BDP1: variants seen among roughly 807,000 people sequenced by gnomAD.
BDP1 encodes BDP1 general transcription factor IIIB subunit, also known as transcription factor TFIIIB component B'' homolog.
In BDP1, 169 loss-of-function variants were observed where a neutral mutation model predicts 266.6. The observed-to-expected ratio is 0.63, with a 90% CI of 0.56 to 0.72. BDP1 has a LOEUF of 0.72. BDP1 is among the 30% of genes least tolerant of loss of function. The pLI, the probability that BDP1 is intolerant of heterozygous loss-of-function variation, is 0.00. For synonymous variants in BDP1, 1,090 were observed against 1,022.4 expected (o/e 1.07, Z -1.26); for missense variants, 3,015 against 3,053.8 (o/e 0.99, Z 0.30).
At chr5:71,570,796 C>CT (rs1744240552), downstream of BDP1, among the ~76,000 whole-genome samples, 1 of 152,166 alleles carries the variant, frequency 6.6e-6, no homozygotes, top group South Asian at 2.1e-4. Flanking sequence ...TGCATCAGCT[C>CT]TTTAAAGAGG....
intron 25 of BDP1, among the ~76,000 whole-genome samples, chr5:71,525,400 C>CA (rs1233092904): frequency 7.2e-6 from 1 of 137,932 alleles, no homozygotes; most frequent in Non-Finnish European, 1.6e-5. Flanking sequence ...GGCTGACCCC[C>CA]CCACCTCCCT....
intron 32 of BDP1, among the ~76,000 whole-genome samples, chr5:71,548,005 C>T (rs952761360): frequency 1.1e-4 from 17 of 151,912 alleles, no homozygotes; most frequent in African/African-American, 3.1e-4. Flanking sequence ...AGTAGAAGCC[C>T]GGCATAGTGT....
chr5:71,540,552 T>A (rs956243276), intron 28 of BDP1, among the ~76,000 whole-genome samples: 3 of 152,186 alleles, frequency 2.0e-5, no homozygotes, highest in Non-Finnish European at 4.4e-5. Flanking sequence ...GGTCTCGAAC[T>A]GCTGACCTCA....
chr5:71,523,918 TTGTTTTGATTAAATA>T lies in BDP1; in HGVS notation c.5388-19_5388-5del. The stretch of plus-strand genomic sequence containing the variant: ...TCCTTGCATGCATATGACCTTATTG[TTGTTTTGATTAAATA>T]TCTAGCTGTCCACAACCGTTAAACG... On this transcript the variant is annotated splice_polypyrimidine_tract_variant and splice_region_variant and intron_variant, in intron 24 of 38. Coordinates refer to ENST00000358731, the MANE Select transcript of BDP1 (RefSeq NM_018429.3). The T allele has an allele frequency of 1.3e-6, 2 of 1,587,230 alleles. No homozygotes were observed. The highest frequency in any genetic ancestry group is 1.8e-5 in the Admixed American group (1 of 55,286).
chr5:71,564,248 A>G (rs1743883720), intron 38 of BDP1, among the ~76,000 whole-genome samples: 1 of 152,096 alleles, frequency 6.6e-6, no homozygotes, highest in African/African-American at 2.4e-5. Context: ...TAATTTGTTT[A>G]TAGATTTGTA....
intron 22 of BDP1, among the ~76,000 whole-genome samples, chr5:71,518,970 C>G (rs945260784): frequency 6.7e-6 from 1 of 150,296 alleles, no homozygotes; most frequent in South Asian, 2.1e-4. Context: ...CAGGCACCCA[C>G]CACCACACCC....
intron 7 of BDP1, among the ~76,000 whole-genome samples, chr5:71,477,580 A>AT (rs1248753042): frequency 1.3e-5 from 2 of 151,522 alleles, no homozygotes; most frequent in African/African-American, 4.8e-5. Flanking sequence ...AATATTAAAA[A>AT]TTTTTTTTAA....
intron 8 of BDP1, among the ~76,000 whole-genome samples, chr5:71,484,219 CTATTAGTTATATAGAT>C (rs1459340341): frequency 1.3e-5 from 2 of 152,098 alleles, no homozygotes; most frequent in East Asian, 3.9e-4. Context: ...GAAGACAGTA[CTATTAGTTATATAGAT>C]GGTTCTTTCT....
chr5:71,521,354 G>A (rs936854025), intron 22 of BDP1, among the ~76,000 whole-genome samples: 1 of 143,468 alleles, frequency 7.0e-6, no homozygotes, highest in African/African-American at 2.6e-5. Flanking sequence ...GTGCAGTGGT[G>A]CAACTTCGCC....
intron 26 of BDP1, among the ~76,000 whole-genome samples, chr5:71,538,777 C>T (rs937146852): frequency 1.3e-5 from 2 of 151,952 alleles, no homozygotes; most frequent in Non-Finnish European, 2.9e-5. Flanking sequence ...GAATGGTAGA[C>T]GTACATAACA....
chr5:71,502,393 C>T (rs184577743), intron 14 of BDP1, among the ~76,000 whole-genome samples: 8 of 151,870 alleles, frequency 5.3e-5, no homozygotes, highest in Admixed American at 3.3e-4. Context: ...AGGCTGGTCT[C>T]GAACTTCTGA....
In BDP1 at chr5:71,560,113, AAGAATGTGCCTCAGTT is replaced by A. The variant is rs1402086473; in HGVS notation, c.7374_7389del (p.Lys2458AsnfsTer6). 1 of 1,614,040 alleles carries A rather than the reference AAGAATGTGCCTCAGTT, an allele frequency of 6.2e-7. No homozygotes were observed. The highest frequency in any genetic ancestry group is 8.5e-7 in the Non-Finnish European group (1 of 1,180,018). On this transcript the variant is annotated frameshift_variant, in exon 37 of 39. Coordinates refer to ENST00000358731, the MANE Select transcript of BDP1 (RefSeq NM_018429.3). LOFTEE classifies it high-confidence loss of function. Reference sequence around the variant, plus strand: ...TAGATCTCCTGATGCATGCATGGACAAGAATGTGCCTCAGTTACCTCAGGATGAAATGATTGTGTCT... The same window carrying A: ...TAGATCTCCTGATGCATGCATGGACAACCTCAGGATGAAATGATTGTGTCT...
chr5:71,518,937 A>T (rs1353613029), intron 22 of BDP1, among the ~76,000 whole-genome samples: 1 of 145,318 alleles, frequency 6.9e-6, no homozygotes, highest in Non-Finnish European at 1.5e-5. Context: ...CTTGTGCTTC[A>T]GCCTCCCGAG....
chr5:71,543,940 T>A (rs1767120383), intron 30 of BDP1, among the ~76,000 whole-genome samples: 2 of 152,306 alleles, frequency 1.3e-5, no homozygotes, highest in Admixed American at 1.3e-4. Flanking sequence ...TCAAATTACC[T>A]CTTCTATATA....
intron 8 of BDP1, 81 bp downstream of exon 8, chr5:71,483,977 GT>G: frequency 8.4e-7 from 1 of 1,187,810 alleles, no homozygotes; most frequent in Non-Finnish European, 1.2e-6. Flanking sequence ...GCTTTAGTGT[GT>G]TTTAGATTTG....
At chr5:71,526,973 A>G (rs1274201325) in intron 25 of BDP1, among the ~76,000 whole-genome samples, 2 of 152,002 alleles carry the variant, frequency 1.3e-5, no homozygotes, top group Non-Finnish European at 2.9e-5. Flanking sequence ...GGCGTGAGCC[A>G]CCATGCCCAG....
chr5:71,561,190 T>G (rs1247986288), intron 37 of BDP1, among the ~76,000 whole-genome samples: 1 of 151,854 alleles, frequency 6.6e-6, no homozygotes, highest in Non-Finnish European at 1.5e-5. Context: ...TCACCTGAGG[T>G]TGGGAGTTCC....
downstream of BDP1, among the ~76,000 whole-genome samples, chr5:71,569,769 T>A (rs568095448): frequency 1.3e-5 from 2 of 151,892 alleles, no homozygotes; most frequent in Admixed American, 1.3e-4. Context: ...ACACACACAC[T>A]CGCAGTGCCT....
At chr5:71,561,809 ATTT>A (rs1322188581) in intron 37 of BDP1, among the ~76,000 whole-genome samples, 4 of 152,274 alleles carry the variant, frequency 2.6e-5, no homozygotes, top group Middle Eastern at 3.4e-3. Context: ...GCGAATCTTC[ATTT>A]TAATAAGATC....
Sources: allele counts gnomAD v4.1 joint callset (sites outside exome capture counted in the v4.1 genomes callset), GRCh38; gene constraint gnomAD v4.1.1; transcripts MANE v1.5; gene names NCBI Gene and HGNC (gene_info 2026-07-23, HGNC 2026-07-21).